Variants in RAD51B observed in about 807,000 individuals in gnomAD.
RAD51B encodes DNA repair protein RAD51 homolog 2.
A neutral mutation model predicts 42.2 loss-of-function variants in RAD51B; 38 were observed. The observed-to-expected ratio is 0.90, with a 90% CI of 0.70 to 1.18. The LOEUF (loss-of-function observed/expected upper bound fraction) is 1.18, where lower values mean the gene tolerates loss of function less well. RAD51B is among the 50% of genes most tolerant of loss of function. The probability of loss-of-function intolerance (pLI) is 0.00; values close to 1 mark genes in which losing one functional copy is unlikely to be tolerated. For missense variants in RAD51B, 373 were observed against 400.7 expected, an observed-to-expected ratio of 0.93 and a Z score of 0.59; for synonymous variants, 154 against 145.2, an observed-to-expected ratio of 1.06 and a Z score of -0.43.
chr14:68,572,847 C>T (rs1403736450), intron 10 of RAD51B, among the ~76,000 whole-genome samples: 4 of 152,190 alleles, frequency 2.6e-5, no homozygotes, highest in East Asian at 3.9e-4. Context: ...GCTCTTACTA[C>T]ACCTCAGGTA....
chr14:68,262,019 T>C (rs2139550424), intron 7 of RAD51B, among the ~76,000 whole-genome samples: 1 of 150,992 alleles, frequency 6.6e-6, no homozygotes, highest in African/African-American at 2.4e-5. Context: ...AGCCATGGGG[T>C]TGGTAGAGTT....
chr14:68,620,596 C>G (rs1447044579), intron 10 of RAD51B, among the ~76,000 whole-genome samples: 1 of 152,190 alleles, frequency 6.6e-6, no homozygotes, highest in Non-Finnish European at 1.5e-5. Context: ...ACATTTTTTA[C>G]TGAAGGGAGA....
At position 67,977,553 on chromosome 14, in the gene RAD51B, C is replaced by T. The variant is rs1290777327; in HGVS notation, c.756+90349C>T. ...GTCTCTGATCCCTAGCCTGCTTCAG[C>T]TATGGGCCTGGCCAAGCCCTTTGGC... On this transcript the variant is annotated intron_variant, in intron 7 of 10. Coordinates refer to ENST00000471583, the MANE Select transcript of RAD51B (RefSeq NM_133510.4). Among the ~76,000 whole-genome samples, 4 of 152,284 alleles carry T rather than the reference C, an allele frequency of 2.6e-5. No homozygotes were observed. The East Asian group carries it at 7.7e-4, about 29-fold the overall frequency.
At chr14:68,504,148 G>A (rs1885115737) in intron 10 of RAD51B, among the ~76,000 whole-genome samples, 1 of 152,080 alleles carries the variant, frequency 6.6e-6, no homozygotes, top group Non-Finnish European at 1.5e-5. Flanking sequence ...TCTCCCCAAG[G>A]CAAGCAGAGT....
intron 8 of RAD51B, among the ~76,000 whole-genome samples, chr14:68,335,521 C>A (rs2082438019): frequency 6.6e-6 from 1 of 152,168 alleles, no homozygotes. Context: ...TTCACTGCAA[C>A]CAGCTCACCT....
intron 10 of RAD51B, among the ~76,000 whole-genome samples, chr14:68,532,916 A>G (rs1887401860): frequency 6.6e-6 from 1 of 152,238 alleles, no homozygotes; most frequent in Non-Finnish European, 1.5e-5. Context: ...CAAAGTAAGA[A>G]TAGGCAGGAA....
At chr14:67,984,960 T>C (rs955691564) in intron 7 of RAD51B, among the ~76,000 whole-genome samples, 1 of 152,240 alleles carries the variant, frequency 6.6e-6, no homozygotes, top group African/African-American at 2.4e-5. Context: ...AATGTTTTAC[T>C]GATGGGGTAT....
At chr14:68,167,120 G>T (rs887670807) in intron 7 of RAD51B, among the ~76,000 whole-genome samples, 10 of 152,136 alleles carry the variant, frequency 6.6e-5, no homozygotes, top group Admixed American at 3.9e-4. Context: ...AATATTTAGT[G>T]GTTTCTTGTG....
At chr14:68,132,176 C>A (rs1305828166) in intron 7 of RAD51B, among the ~76,000 whole-genome samples, 1 of 152,140 alleles carries the variant, frequency 6.6e-6, no homozygotes, top group Non-Finnish European at 1.5e-5. Flanking sequence ...GTCATATGTT[C>A]ACTTTTTGGC....
In RAD51B at chr14:68,644,700, G is replaced by T. The variant is rs545767401; in HGVS notation, c.1037-6081G>T. Among the ~76,000 whole-genome samples the T allele has an allele frequency of 2.1e-3, 322 of 152,012 alleles. 1 individual carries two copies. The highest frequency in any genetic ancestry group is 7.4e-3 in the African/African-American group (306 of 41,454). ...GATTAGTCTGGCCTCTCCTATGTAT[G>T]TCATCAAATGTCAATAGTGCAGGTT... is the stretch of plus-strand genomic sequence containing the variant. On this transcript the variant is annotated intron_variant, in intron 10 of 11. Coordinates refer to the RAD51B transcript ENST00000488612.
At chr14:68,121,806 A>C (rs1015382844) in intron 7 of RAD51B, among the ~76,000 whole-genome samples, 3 of 152,158 alleles carry the variant, frequency 2.0e-5, no homozygotes, top group African/African-American at 4.8e-5. Context: ...AAAGAAGAAC[A>C]TTGCGGTGGG....
At chr14:68,142,469 T>G (rs2078148866) in intron 7 of RAD51B, among the ~76,000 whole-genome samples, 4 of 152,346 alleles carry the variant, frequency 2.6e-5, no homozygotes, top group African/African-American at 9.6e-5. Context: ...TATGTTTTTC[T>G]TTCTTTCAAA....
At chr14:67,838,023 A>C (rs2041304891) in intron 4 of RAD51B, among the ~76,000 whole-genome samples, 1 of 152,150 alleles carries the variant, frequency 6.6e-6, no homozygotes, top group Non-Finnish European at 1.5e-5. Flanking sequence ...TAGCTTCTAC[A>C]TGTGAGTGAG....
intron 7 of RAD51B, among the ~76,000 whole-genome samples, chr14:68,176,215 A>G (rs2078959884): frequency 6.6e-6 from 1 of 152,186 alleles, no homozygotes; most frequent in Non-Finnish European, 1.5e-5. Flanking sequence ...CTTGGAAAAC[A>G]TACCAAGTAA....
intron 7 of RAD51B, among the ~76,000 whole-genome samples, chr14:68,115,329 G>A (rs1331935257): frequency 7.8e-6 from 1 of 128,204 alleles, no homozygotes; most frequent in Non-Finnish European, 1.5e-5. Flanking sequence ...CTCACTCATA[G>A]GTGGGAATTG....
intron 9 of RAD51B, among the ~76,000 whole-genome samples, chr14:68,428,084 G>C (rs1438998120): frequency 6.6e-6 from 1 of 152,062 alleles, no homozygotes; most frequent in Non-Finnish European, 1.5e-5. Flanking sequence ...CAGCAAAAAG[G>C]CCATGGCAAG....
chr14:68,046,252 T>C (rs1263574435), intron 7 of RAD51B, among the ~76,000 whole-genome samples: 1 of 152,172 alleles, frequency 6.6e-6, no homozygotes, highest in Non-Finnish European at 1.5e-5. Flanking sequence ...GCCTCCCAAG[T>C]AGCTGGGACT....
intron 10 of RAD51B, among the ~76,000 whole-genome samples, chr14:68,528,545 C>T (rs1258172785): frequency 2.0e-5 from 3 of 152,126 alleles, no homozygotes; most frequent in Admixed American, 1.3e-4. Flanking sequence ...TATTACTAAA[C>T]ATCTTGACCA....
chr14:68,464,810 A>T (rs2085932938), intron 9 of RAD51B, among the ~76,000 whole-genome samples: 1 of 152,216 alleles, frequency 6.6e-6, no homozygotes, highest in South Asian at 2.1e-4. Context: ...GACATAACTT[A>T]TCACTTCCTT....
Sources: gnomAD v4.1 joint callset for allele counts (sites outside exome capture counted in the v4.1 genomes callset) on GRCh38, gnomAD v4.1.1 for gene constraint, MANE v1.5 for transcripts, NCBI Gene and HGNC (gene_info 2026-07-23, HGNC 2026-07-21) for gene names.